Variants in AGMO observed in about 807,000 individuals in gnomAD.
AGMO encodes glyceryl-ether monooxygenase.
Under a neutral mutation model 60.2 loss-of-function variants are expected in AGMO, and 75 were observed. That is an observed-to-expected ratio of 1.25 (90% CI 1.03 to 1.51). The LOEUF (loss-of-function observed/expected upper bound fraction) is 1.51, where lower values mean the gene tolerates loss of function less well. Ranked by LOEUF, AGMO falls within the 40% of genes most tolerant of loss-of-function variation. The pLI, the probability that AGMO is intolerant of heterozygous loss-of-function variation, is 0.00. For synonymous variants in AGMO, 261 were observed against 177.1 expected (o/e 1.47, Z -3.76); for missense variants, 763 against 525.5 (o/e 1.45, Z -4.42).
chr7:15,409,386 A>G (rs1346180563), intron 5 of AGMO, among the ~76,000 whole-genome samples: 3 of 151,946 alleles, frequency 2.0e-5, no homozygotes, highest in Non-Finnish European at 2.9e-5. Flanking sequence ...GTTTGAGGAA[A>G]AAGTGTGACA....
chr7:15,530,774 T>TAC (rs1784292904), intron 3 of AGMO, among the ~76,000 whole-genome samples: 1 of 133,192 alleles, frequency 7.5e-6, no homozygotes, highest in Non-Finnish European at 1.6e-5. Context: ...TATACATTTC[T>TAC]ATATATATTC....
chr7:15,295,576 T>G (rs779587683), intron 12 of AGMO, among the ~76,000 whole-genome samples: 8 of 152,034 alleles, frequency 5.3e-5, no homozygotes, highest in Non-Finnish European at 8.8e-5. Flanking sequence ...AACCTAAAAT[T>G]TAATCCTCGC....
Position 15,201,133 on chromosome 7 carries a change from G to C in AGMO, c.*152C>G, listed in dbSNP as rs561105537. On this transcript the variant is annotated 3_prime_UTR_variant, in exon 13 of 13. Transcript: ENST00000342526. ...TAATTTTTAATAGAAAATAACAAAT[G>C]TGAAAGGCAAACAATAGTAAATAAG... 1.2e-5 allele frequency: 6 copies of C among 485,268 alleles called. No homozygotes were observed. Among genetic ancestry groups the C allele is most frequent in the Admixed American group, 8.3e-5 (2 of 24,184 alleles). 30.1% of individuals were successfully genotyped at this position (485,268 alleles called of 1,614,324 possible).
At chr7:15,202,471 A>G in intron 12 of AGMO, among the ~76,000 whole-genome samples, 1 of 102,476 alleles carries the variant, frequency 9.8e-6, no homozygotes, top group South Asian at 4.1e-4. Flanking sequence ...AAAAAAAAAA[A>G]AAAAAAAAAA....
intron 12 of AGMO, among the ~76,000 whole-genome samples, chr7:15,349,923 G>A (rs951544013): frequency 6.6e-6 from 1 of 152,050 alleles, no homozygotes; most frequent in African/African-American, 2.4e-5. Context: ...GGGGGATTAT[G>A]GGAACTAAAA....
intron 12 of AGMO, among the ~76,000 whole-genome samples, chr7:15,224,280 C>T (rs371930183): frequency 1.4e-4 from 21 of 152,130 alleles, no homozygotes; most frequent in African/African-American, 4.8e-4. Flanking sequence ...TGTGTCCACC[C>T]TCACAAATAC....
intron 12 of AGMO, among the ~76,000 whole-genome samples, chr7:15,233,260 T>A (rs1440037019): frequency 6.6e-6 from 1 of 152,212 alleles, no homozygotes; most frequent in African/African-American, 2.4e-5. Context: ...TTAAAATCTG[T>A]AAGGTATCGT....
At chr7:15,171,595 G>A in the AGMO span, among the ~76,000 whole-genome samples, 5 of 152,142 alleles carry the variant, frequency 3.3e-5, no homozygotes, top group Non-Finnish European at 7.3e-5. Context: ...CTCATTTAGT[G>A]ATGTGTAATA....
intron 3 of AGMO, among the ~76,000 whole-genome samples, chr7:15,467,038 G>A (rs1782312357): frequency 6.6e-6 from 1 of 152,108 alleles, no homozygotes. Flanking sequence ...AAGTACTGTT[G>A]CAATAATATC....
intron 3 of AGMO, among the ~76,000 whole-genome samples, chr7:15,460,061 C>T (rs1782104340): frequency 6.7e-6 from 1 of 150,294 alleles, no homozygotes; most frequent in Non-Finnish European, 1.5e-5. Flanking sequence ...CCTGGGGACA[C>T]AAAAGATGCA....
intron 3 of AGMO, among the ~76,000 whole-genome samples, chr7:15,457,692 G>A (rs545013450): frequency 6.6e-6 from 1 of 152,152 alleles, no homozygotes; most frequent in Non-Finnish European, 1.5e-5. Flanking sequence ...TCTTTTTTAA[G>A]GGTTTATGAC....
chr7:15,322,701 TATA>T, intron 12 of AGMO, among the ~76,000 whole-genome samples: 1 of 37,498 alleles, frequency 2.7e-5, no homozygotes, highest in African/African-American at 1.8e-4. Flanking sequence ...TATGAATATG[TATA>T]AATATATATA....
chr7:15,285,629 T>C (rs187006279), intron 12 of AGMO, among the ~76,000 whole-genome samples: 92 of 152,214 alleles, frequency 6.0e-4, no homozygotes, highest in African/African-American at 2.1e-3. Flanking sequence ...ATCAATATCA[T>C]GAAAATGACC....
the AGMO span, among the ~76,000 whole-genome samples, chr7:15,157,416 A>T: frequency 1.3e-5 from 2 of 152,156 alleles, no homozygotes; most frequent in African/African-American, 4.8e-5. Context: ...ATCTGAGGGG[A>T]AGAAGAGGGC....
the AGMO span, among the ~76,000 whole-genome samples, chr7:15,183,526 G>A: frequency 1.3e-5 from 2 of 152,284 alleles, no homozygotes; most frequent in Admixed American, 1.3e-4. Flanking sequence ...TTTGCCTATT[G>A]TCCTTGGCTT....
At chr7:15,454,832 T>G (rs2128506682) in intron 3 of AGMO, among the ~76,000 whole-genome samples, 1 of 152,212 alleles carries the variant, frequency 6.6e-6, no homozygotes, top group East Asian at 1.9e-4. Context: ...AAGTTAAATT[T>G]TACATAAGGC....
Position 15,342,173 on chromosome 7 carries a change from A to G in AGMO, c.1263+23341T>C, listed in dbSNP as rs796665838. Among the ~76,000 whole-genome samples the G allele has an allele frequency of 1.0e-2, 588 of 58,996 alleles. 2 individuals carry two copies. Among genetic ancestry groups the G allele is most frequent in the African/African-American group, 0.041 (551 of 13,500 alleles). The allele number at this position is 58,996 out of a possible 152,430, so 38.7% of individuals were successfully genotyped here. On this transcript the variant is annotated intron_variant, in intron 12 of 12. Transcript: ENST00000342526. ...GCTGAGAGTAGATACCCACAGAGTTAAAAAAAAAAAAAAAAAAAAAAAAGG... is the reference window on the plus strand; with the variant it reads ...GCTGAGAGTAGATACCCACAGAGTTGAAAAAAAAAAAAAAAAAAAAAAAGG...
At chr7:15,553,975 T>C (rs929513818) in intron 2 of AGMO, among the ~76,000 whole-genome samples, 5 of 152,110 alleles carry the variant, frequency 3.3e-5, no homozygotes, top group African/African-American at 1.2e-4. Context: ...GGGAGTTATA[T>C]TCCCTGCTTT....
At chr7:15,288,079 A>T (rs558035073) in intron 12 of AGMO, among the ~76,000 whole-genome samples, 2 of 151,662 alleles carry the variant, frequency 1.3e-5, no homozygotes, top group East Asian at 3.9e-4. Context: ...GCTGGAGTGC[A>T]TTGGCACAGT....
Sources: gnomAD v4.1 joint callset for allele counts (sites outside exome capture counted in the v4.1 genomes callset) on GRCh38, gnomAD v4.1.1 for gene constraint, MANE v1.5 for transcripts, NCBI Gene and HGNC (gene_info 2026-07-23, HGNC 2026-07-21) for gene names.